The following FRMD4A variants were observed in gnomAD, a reference collection of about 807,000 sequenced individuals.
FRMD4A encodes the protein FERM domain containing 4A.
FRMD4A carries 29 observed loss-of-function variants against 129.1 expected under a neutral mutation model. That is an observed-to-expected ratio of 0.22 (90% CI 0.17 to 0.31). The LOEUF is 0.31. Ranked by LOEUF, FRMD4A falls within the 10% of genes least tolerant of loss-of-function variation. The pLI is 1.00. For missense variants in FRMD4A, 1,272 were observed against 1,375.8 expected (o/e 0.92, Z 1.19); for synonymous variants, 634 against 571.6 (o/e 1.11, Z -1.56).
intron 2 of FRMD4A, among the ~76,000 whole-genome samples, chr10:13,894,255 A>ACTCCAGCTGGAGCGATTCTCCT (rs2094732949): frequency 6.6e-6 from 1 of 151,726 alleles, no homozygotes; most frequent in Middle Eastern, 3.4e-3. Flanking sequence ...TGCATTCTCC[A>ACTCCAGCTGGAGCGATTCTCCT]CTCCAGCTGG....
At chr10:13,979,616 C>T (rs2095553594) in intron 2 of FRMD4A, among the ~76,000 whole-genome samples, 2 of 152,158 alleles carry the variant, frequency 1.3e-5, no homozygotes, top group African/African-American at 4.8e-5. Context: ...TTCCTTTGAA[C>T]TCTTGACTCG....
intron 15 of FRMD4A, among the ~76,000 whole-genome samples, chr10:13,681,274 C>A (rs1445772113): frequency 1.3e-5 from 2 of 152,170 alleles, no homozygotes; most frequent in Admixed American, 1.3e-4. Flanking sequence ...TCATCATTAA[C>A]CAGTGCCTAA....
chr10:14,010,662 G>GTTTTTTTTTTTTTTTT (rs1404083388), intron 2 of FRMD4A, among the ~76,000 whole-genome samples: 3 of 66,486 alleles, frequency 4.5e-5, no homozygotes, highest in Non-Finnish European at 7.4e-5. Context: ...TCGAGTTTAG[G>GTTTTTTTTTTTTTTTT]TCTTTTTTTT....
intron 6 of FRMD4A, among the ~76,000 whole-genome samples, chr10:13,778,541 A>C (rs143206858): frequency 0.012 from 1,897 of 151,996 alleles, 40 homozygotes; most frequent in African/African-American, 0.043. Flanking sequence ...TATTCTGTGC[A>C]GTGAATGTGT....
rs535485987 is a variant in FRMD4A at position 14,078,878 on chromosome 10, G to A, written c.46-219966C>T. On this transcript the variant is annotated intron_variant, in intron 2 of 24. Coordinates refer to ENST00000357447, the MANE Select transcript of FRMD4A (RefSeq NM_018027.5). ...TGGTACATCTGCCTTAGTGTCTTCC[G>A]GCTGTGTGATGCTTGTGTTAAGGCT... Among the ~76,000 whole-genome samples, 8 of 152,246 alleles carry A rather than the reference G, an allele frequency of 5.3e-5. 1 individual carries two copies. The South Asian group carries it at 8.3e-4, about 16-fold the overall frequency.
intron 4 of FRMD4A, among the ~76,000 whole-genome samples, chr10:13,804,538 T>C (rs573799428): frequency 1.3e-5 from 2 of 151,378 alleles, no homozygotes; most frequent in South Asian, 4.2e-4. Flanking sequence ...TTTCTTTCTT[T>C]CTTTCTTTAT....
At chr10:14,189,791 G>C (rs1203917151) in intron 2 of FRMD4A, among the ~76,000 whole-genome samples, 2 of 152,166 alleles carry the variant, frequency 1.3e-5, no homozygotes, top group African/African-American at 2.4e-5. Context: ...CCAATGTCAA[G>C]GTGAGTTTAG....
intron 2 of FRMD4A, among the ~76,000 whole-genome samples, chr10:14,266,171 G>T (rs1309319555): frequency 6.6e-6 from 1 of 151,800 alleles, no homozygotes; most frequent in Non-Finnish European, 1.5e-5. Flanking sequence ...GGTGGGAGGG[G>T]GTGGGGCTTT....
chr10:14,181,767 T>C (rs1303942748), intron 2 of FRMD4A, among the ~76,000 whole-genome samples: 1 of 152,184 alleles, frequency 6.6e-6, no homozygotes, highest in African/African-American at 2.4e-5. Context: ...CACAGCTCAC[T>C]GCAACCTCGG....
chr10:13,835,541 C>T lies in FRMD4A; in HGVS notation c.111+23306G>A, dbSNP rs202135947. 5.3e-5 allele frequency among the ~76,000 whole-genome samples: 8 copies of T among 152,188 alleles called. No homozygotes were observed. The South Asian group carries it at 8.3e-4, about 16-fold the overall frequency. ...CCATCGCGCATTATTGCCTGAGTTCCACCTCCCTTCAGATCAGTGGTGGCA... is the reference window on the plus strand; with the variant it reads ...CCATCGCGCATTATTGCCTGAGTTCTACCTCCCTTCAGATCAGTGGTGGCA... On this transcript the variant is annotated intron_variant, in intron 3 of 24. Coordinates refer to ENST00000357447, the MANE Select transcript of FRMD4A (RefSeq NM_018027.5).
intron 4 of FRMD4A, among the ~76,000 whole-genome samples, chr10:13,798,811 C>T (rs569536144): frequency 2.6e-5 from 4 of 152,330 alleles, no homozygotes; most frequent in African/African-American, 9.6e-5. Context: ...CTGACTAGAA[C>T]ACAAGATCAG....
rs879712876 is a variant in FRMD4A, at chr10:13,852,249, A to AT, written c.111+6597dup. Among the ~76,000 whole-genome samples, 1,066 of 146,678 alleles carry AT rather than the reference A, an allele frequency of 7.3e-3. 16 individuals carry two copies. The highest frequency in any genetic ancestry group is 0.023 in the African/African-American group (932 of 40,324). ...AAAGTTAGCCCAATATAAGATTTTAATTTTTTTTTTTTTGAGATGGAGTCT... is the reference window on the plus strand; with the variant it reads ...AAAGTTAGCCCAATATAAGATTTTAATTTTTTTTTTTTTTGAGATGGAGTCT... On this transcript the variant is annotated intron_variant, in intron 3 of 24. Transcript: ENST00000357447.
rs543992549 is a variant in FRMD4A, at chr10:13,932,186, G to A, written c.46-73274C>T. 2.5e-4 allele frequency among the ~76,000 whole-genome samples: 38 copies of A among 152,310 alleles called. 1 individual carries two copies. The South Asian group carries it at 7.7e-3, about 31-fold the overall frequency. On this transcript the variant is annotated intron_variant, in intron 2 of 24. Transcript: ENST00000357447. ...TGCAGAAGCAATAACCTGGTCCTCT[G>A]CTTTGTCCTTGGTTCCTTTAGAATC... is the stretch of plus-strand genomic sequence containing the variant.
intron 2 of FRMD4A, among the ~76,000 whole-genome samples, chr10:14,246,510 CAT>C (rs776917014): frequency 3.9e-5 from 6 of 152,294 alleles, no homozygotes; most frequent in East Asian, 3.9e-4. Context: ...TGCATGCACT[CAT>C]ATGCAATCAC....
rs115002992 is a variant in FRMD4A, at chr10:13,776,330, C to G, written c.384+6592G>C. On this transcript the variant is annotated intron_variant, in intron 6 of 24. Transcript: ENST00000357447. ...CTCACTAGGTTGCCCAGGCTGGTCT[C>G]AAGCTCCTAAGATCAAGTGATCCTC... Among the ~76,000 whole-genome samples, 474 of 152,270 alleles carry G rather than the reference C, an allele frequency of 3.1e-3. 3 individuals are homozygous for G. The highest frequency in any genetic ancestry group is 0.011 in the African/African-American group (454 of 41,554).
intron 2 of FRMD4A, among the ~76,000 whole-genome samples, chr10:13,869,174 C>T (rs1251041593): frequency 5.9e-5 from 9 of 152,100 alleles, no homozygotes; most frequent in Non-Finnish European, 8.8e-5. Flanking sequence ...TCCTCCAGGC[C>T]GAGCAATGAA....
rs56829972 is a variant in FRMD4A at position 13,737,940 on chromosome 10, C to CA, written c.673-11dup. ...GTATGCCCTGCTTGTCCTAGGATAT[C>CA]AAAAAAAGTTTGGGTGAATATGGGA... On this transcript the variant is annotated splice_polypyrimidine_tract_variant and intron_variant, in intron 11 of 24. Coordinates refer to ENST00000357447, the MANE Select transcript of FRMD4A (RefSeq NM_018027.5). 0.013 allele frequency: 20,041 copies of CA among 1,542,972 alleles called. 1,045 individuals are homozygous for CA. The highest frequency in any genetic ancestry group is 0.11 in the South Asian group (9,623 of 89,062).
At chr10:13,699,693 T>C (rs1388892165) in intron 14 of FRMD4A, among the ~76,000 whole-genome samples, 1 of 152,054 alleles carries the variant, frequency 6.6e-6, no homozygotes, top group African/African-American at 2.4e-5. Flanking sequence ...CCCAATCCCC[T>C]AACCCCCACC....
At chr10:14,283,578 T>C (rs947682406) in intron 2 of FRMD4A, among the ~76,000 whole-genome samples, 3 of 152,224 alleles carry the variant, frequency 2.0e-5, no homozygotes, top group Non-Finnish European at 4.4e-5. Flanking sequence ...GCTCTGTTTA[T>C]TGGTATTCAC....
Sources: allele counts gnomAD v4.1 joint callset (sites outside exome capture counted in the v4.1 genomes callset), GRCh38; gene constraint gnomAD v4.1.1; transcripts MANE v1.5; gene names NCBI Gene and HGNC (gene_info 2026-07-23, HGNC 2026-07-21).